Variants in ADK observed in about 807,000 individuals in gnomAD.
ADK encodes N6,N6-dimethyladenosine kinase.
ADK carries 24 observed loss-of-function variants against 44.7 expected under a neutral mutation model. The ratio of observed to expected loss-of-function variants is 0.54; its 90% CI spans 0.39 to 0.76. The LOEUF (loss-of-function observed/expected upper bound fraction) is 0.76, where lower values mean the gene tolerates loss of function less well. Ranked by LOEUF, ADK falls within the 30% of genes least tolerant of loss-of-function variation. The pLI is 0.00. For synonymous variants in ADK, 128 were observed against 142.6 expected, an observed-to-expected ratio of 0.90 and a Z score of 0.73; for missense variants, 321 against 425.1, an observed-to-expected ratio of 0.76 and a Z score of 2.15.
chr10:74,531,759 T>C (rs771521591), intron 7 of ADK, among the ~76,000 whole-genome samples: 1 of 152,100 alleles, frequency 6.6e-6, no homozygotes, highest in Non-Finnish European at 1.5e-5. Context: ...TTCAACCTCC[T>C]GCACTGAAGC....
chr10:74,341,012 T>A (rs759229453), intron 4 of ADK, among the ~76,000 whole-genome samples: 5 of 152,198 alleles, frequency 3.3e-5, no homozygotes, highest in Non-Finnish European at 4.4e-5. Context: ...TCTATCATTA[T>A]CCTTTATGTC....
intron 6 of ADK, among the ~76,000 whole-genome samples, chr10:74,487,070 C>T (rs1291093364): frequency 6.6e-6 from 1 of 151,808 alleles, no homozygotes; most frequent in Non-Finnish European, 1.5e-5. Context: ...ATATTACTGC[C>T]CTGCATTCAT....
chr10:74,385,068 A>G (rs1427820595), intron 4 of ADK, among the ~76,000 whole-genome samples: 1 of 152,206 alleles, frequency 6.6e-6, no homozygotes, highest in Non-Finnish European at 1.5e-5. Context: ...TCCAATGGGT[A>G]GAGGTTTCTT....
intron 6 of ADK, among the ~76,000 whole-genome samples, chr10:74,410,414 C>T (rs1425489701): frequency 1.3e-5 from 2 of 152,058 alleles, no homozygotes; most frequent in African/African-American, 4.8e-5. Flanking sequence ...TGGCTCAAGC[C>T]TGAAATTCCA....
At chr10:74,355,820 G>A (rs979282487) in intron 4 of ADK, among the ~76,000 whole-genome samples, 4 of 151,810 alleles carry the variant, frequency 2.6e-5, no homozygotes, top group Non-Finnish European at 5.9e-5. Flanking sequence ...GTAAACATTA[G>A]GTGCTATTTT....
chr10:74,174,527 C>A lies in ADK; in HGVS notation c.65+23184C>A, dbSNP rs538758344. ...CTGCAGTGCCAAACCTGCATTTTAA[C>A]AAGATCCACGAGATTTGTATGCATG... On this transcript the variant is annotated intron_variant, in intron 1 of 10. Transcript: ENST00000539909. 5.3e-5 allele frequency: 8 copies of A among 152,208 alleles called. No individual in the cohort carries two copies. The East Asian group carries it at 1.4e-3, about 26-fold the overall frequency. The allele number at this position is 152,208 out of a possible 1,614,324, so 9.4% of individuals were successfully genotyped here. A position where few individuals can be genotyped will look rare whatever the true frequency, so the allele number is the denominator to read the frequency against.
At chr10:74,665,525 G>A (rs960194772) in intron 9 of ADK, among the ~76,000 whole-genome samples, 1 of 152,070 alleles carries the variant, frequency 6.6e-6, no homozygotes, top group Non-Finnish European at 1.5e-5. Flanking sequence ...TTGAAGCCAA[G>A]GGCTCAAGAC....
intron 10 of ADK, among the ~76,000 whole-genome samples, chr10:74,702,092 AATC>A (rs1421504782): frequency 3.9e-5 from 6 of 152,186 alleles, no homozygotes; most frequent in African/African-American, 1.4e-4. Flanking sequence ...GCAGTTGGAA[AATC>A]ATCACAGTAT....
intron 1 of ADK, among the ~76,000 whole-genome samples, chr10:74,187,039 A>G (rs1471168765): frequency 6.6e-6 from 1 of 152,140 alleles, no homozygotes; most frequent in South Asian, 2.1e-4. Flanking sequence ...GGAAAATTTA[A>G]CACTTTTTAC....
chr10:74,708,416 A>G lies in ADK; in HGVS notation c.1060A>G (p.Thr354Ala). ...ASIIIRRTGCTFPEKPDFH is the reference protein window; with the variant it reads ...ASIIIRRTGCAFPEKPDFH Reference sequence around the variant, plus strand: ...CATCATAATTAGACGGACTGGCTGCACCTTTCCTGAGAAGCCAGACTTCCA... The same window carrying G: ...CATCATAATTAGACGGACTGGCTGCGCCTTTCCTGAGAAGCCAGACTTCCA... The change falls in exon 11 of 11, where the codon ACC becomes GCC. Residue 354 changes from threonine (T) to alanine (A), a missense_variant. Thr to Ala is a moderately conservative substitution (Grantham distance 58). Transcript: ENST00000539909. The G allele has an allele frequency of 6.2e-7, 1 of 1,612,410 alleles. No individual in the cohort carries two copies. Among genetic ancestry groups the G allele is most frequent in the Non-Finnish European group, 8.5e-7 (1 of 1,179,536 alleles).
At position 74,517,956 on chromosome 10, in the gene ADK, G is replaced by A. The variant is rs188006511; in HGVS notation, c.556-7300G>A. ...AAATGATTTATACATTATCTTAATC[G>A]TTGTCAGGGCCAACGTTTTTCTTAC... On this transcript the variant is annotated intron_variant, in intron 6 of 10. Transcript: ENST00000539909. Among the ~76,000 whole-genome samples the A allele has an allele frequency of 2.2e-4, 33 of 152,016 alleles. 1 individual carries two copies. In the East Asian group the frequency reaches 4.4e-3, roughly 20 times the overall value.
chr10:74,380,712 C>T (rs1259027542), intron 4 of ADK, among the ~76,000 whole-genome samples: 1 of 151,908 alleles, frequency 6.6e-6, no homozygotes, highest in Non-Finnish European at 1.5e-5. Context: ...GAATCGAGAT[C>T]GTGCCACTGC....
At chr10:74,659,002 G>A (rs962411924) in intron 9 of ADK, among the ~76,000 whole-genome samples, 1 of 151,998 alleles carries the variant, frequency 6.6e-6, no homozygotes, top group Non-Finnish European at 1.5e-5. Context: ...GATCACTTGA[G>A]CCTAGAAGTT....
chr10:74,657,360 G>T (rs534017577), intron 9 of ADK, among the ~76,000 whole-genome samples: 2 of 152,214 alleles, frequency 1.3e-5, no homozygotes, highest in South Asian at 2.1e-4. Context: ...GGGAAAGGTT[G>T]TGCAAGGTTG....
chr10:74,484,534 C>G (rs1222405312), intron 6 of ADK, among the ~76,000 whole-genome samples: 1 of 152,104 alleles, frequency 6.6e-6, no homozygotes, highest in South Asian at 2.1e-4. Context: ...TCAATTCTCC[C>G]TACAGTGAGC....
intron 4 of ADK, among the ~76,000 whole-genome samples, chr10:74,320,501 A>T (rs1300866182): frequency 6.6e-6 from 1 of 152,076 alleles, no homozygotes; most frequent in African/African-American, 2.4e-5. Context: ...TCATGCTTGG[A>T]TGTGTAGATT....
intron 4 of ADK, among the ~76,000 whole-genome samples, chr10:74,343,092 T>C (rs12779309): frequency 0.013 from 1,928 of 152,254 alleles, 21 homozygotes; most frequent in Non-Finnish European, 0.019. Flanking sequence ...TCATTCACCA[T>C]TAAGTTTGAT....
chr10:74,499,493 C>G (rs572247469), intron 6 of ADK, among the ~76,000 whole-genome samples: 1 of 152,224 alleles, frequency 6.6e-6, no homozygotes, highest in East Asian at 1.9e-4. Flanking sequence ...TCGAGACCAT[C>G]CTGGCTGAAG....
At position 74,477,123 on chromosome 10, in the gene ADK, A is replaced by G. The variant is rs181237484; in HGVS notation, c.556-48133A>G. ...TTTGGTTTGTGTGTATGTTTCTTCC[A>G]ATAATTTGTGAGACTTGTATTTTTA... On this transcript the variant is annotated intron_variant, in intron 6 of 10. Transcript: ENST00000539909. Among the ~76,000 whole-genome samples the G allele has an allele frequency of 8.1e-4, 124 of 152,270 alleles. No individual in the cohort carries two copies. In the South Asian group the frequency reaches 0.011, roughly 14 times the overall value.
Sources: allele counts gnomAD v4.1 joint callset (sites outside exome capture counted in the v4.1 genomes callset), GRCh38; gene constraint gnomAD v4.1.1; transcripts MANE v1.5; gene names NCBI Gene and HGNC (gene_info 2026-07-23, HGNC 2026-07-21).